The following SYNJ2BP variants were observed in gnomAD, a reference collection of about 807,000 sequenced individuals.
The protein encoded by SYNJ2BP is synaptojanin 2 binding protein.
Under a neutral mutation model 16.9 loss-of-function variants are expected in SYNJ2BP, and 10 were observed. That is an observed-to-expected ratio of 0.59 (90% CI 0.36 to 1.00). The LOEUF (loss-of-function observed/expected upper bound fraction) is 1.00. Ranked by LOEUF, SYNJ2BP falls within the 50% of genes least tolerant of loss-of-function variation. The probability of loss-of-function intolerance (pLI) is 0.01; values close to 1 mark genes in which losing one functional copy is unlikely to be tolerated. For synonymous variants in SYNJ2BP, 54 were observed against 68.4 expected, an observed-to-expected ratio of 0.79 and a Z score of 1.04; for missense variants, 162 against 186.7, an observed-to-expected ratio of 0.87 and a Z score of 0.77.
intron 2 of SYNJ2BP, among the ~76,000 whole-genome samples, chr14:70,386,473 GA>G (rs1887861954): frequency 2.0e-5 from 3 of 152,196 alleles, no homozygotes; most frequent in African/African-American, 7.2e-5. Flanking sequence ...CACATGCTTA[GA>G]CATTCTTGAG....
intron 1 of SYNJ2BP, among the ~76,000 whole-genome samples, chr14:70,388,914 G>A (rs1247568072): frequency 1.3e-5 from 2 of 150,382 alleles, no homozygotes; most frequent in South Asian, 2.1e-4. Flanking sequence ...CTCTAAGTTC[G>A]TTCTTCTTTT....
At chr14:70,381,210 G>A (rs891455107) in intron 2 of SYNJ2BP, among the ~76,000 whole-genome samples, 5 of 152,202 alleles carry the variant, frequency 3.3e-5, no homozygotes, top group African/African-American at 9.6e-5. Flanking sequence ...TAACAGGGAA[G>A]AAAGACATTG....
chr14:70,411,620 T>C (rs1283110506), intron 1 of SYNJ2BP, among the ~76,000 whole-genome samples: 1 of 152,222 alleles, frequency 6.6e-6, no homozygotes, highest in Non-Finnish European at 1.5e-5. Flanking sequence ...TATTTTCTTC[T>C]CTCTATTATT....
At chr14:70,386,025 T>C (rs548591634) in intron 2 of SYNJ2BP, among the ~76,000 whole-genome samples, 1 of 152,338 alleles carries the variant, frequency 6.6e-6, no homozygotes, top group African/African-American at 2.4e-5. Flanking sequence ...ATAATCTACG[T>C]TTAACCAAAG....
intron 1 of SYNJ2BP, among the ~76,000 whole-genome samples, chr14:70,403,014 C>A (rs1300999955): frequency 6.6e-6 from 1 of 152,178 alleles, no homozygotes; most frequent in Non-Finnish European, 1.5e-5. Context: ...CTTTTCCTGG[C>A]AATCTTATCT....
At chr14:70,376,461 T>C (rs1339544989) in intron 2 of SYNJ2BP, among the ~76,000 whole-genome samples, 1 of 152,256 alleles carries the variant, frequency 6.6e-6, no homozygotes, top group Non-Finnish European at 1.5e-5. Context: ...TTAATACTTT[T>C]TGCAGTTAGG....
chr14:70,413,961 T>G (rs1281721982), intron 1 of SYNJ2BP, among the ~76,000 whole-genome samples: 1 of 152,220 alleles, frequency 6.6e-6, no homozygotes, highest in Non-Finnish European at 1.5e-5. Flanking sequence ...AATGCATACT[T>G]AGAGGATTTT....
chr14:70,399,848 G>A (rs1888197662), intron 1 of SYNJ2BP, among the ~76,000 whole-genome samples: 1 of 152,060 alleles, frequency 6.6e-6, no homozygotes, highest in South Asian at 2.1e-4. Flanking sequence ...TTCCTCTCAG[G>A]GTCCTACCTA....
chr14:70,387,758 G>A (rs1335056713), intron 2 of SYNJ2BP, among the ~76,000 whole-genome samples: 1 of 151,696 alleles, frequency 6.6e-6, no homozygotes, highest in East Asian at 1.9e-4. Flanking sequence ...TTGAACCCGG[G>A]AGGCAGAGGT....
chr14:70,394,382 A>C (rs1888045186), intron 1 of SYNJ2BP, among the ~76,000 whole-genome samples: 1 of 152,040 alleles, frequency 6.6e-6, no homozygotes, highest in African/African-American at 2.4e-5. Context: ...AAAGGGTATA[A>C]TTAATTCAGC....
At chr14:70,375,205 C>CTTT (rs201793770) in intron 3 of SYNJ2BP, among the ~76,000 whole-genome samples, 1 of 121,214 alleles carries the variant, frequency 8.2e-6, no homozygotes, top group African/African-American at 3.1e-5. Flanking sequence ...CTCTTTTTTT[C>CTTT]TTTTTTTTTT....
chr14:70,408,307 A>G (rs969362725), intron 1 of SYNJ2BP, among the ~76,000 whole-genome samples: 2 of 152,188 alleles, frequency 1.3e-5, no homozygotes, highest in African/African-American at 2.4e-5. Flanking sequence ...AAGCACTTCA[A>G]TGAATTAAAT....
chr14:70,401,501 C>T (rs1249724846), intron 1 of SYNJ2BP, among the ~76,000 whole-genome samples: 35 of 143,680 alleles, frequency 2.4e-4, no homozygotes, highest in Non-Finnish European at 3.0e-5. Context: ...CTGCTTTTTT[C>T]CTCTCTTGGA....
chr14:70,410,324 TGAGAC>T (rs1454629344), intron 1 of SYNJ2BP, among the ~76,000 whole-genome samples: 1 of 152,132 alleles, frequency 6.6e-6, no homozygotes, highest in Non-Finnish European at 1.5e-5. Flanking sequence ...CTTGAGGGGC[TGAGAC>T]AAGAGGATCA....
intron 1 of SYNJ2BP, among the ~76,000 whole-genome samples, chr14:70,410,061 T>C (rs192762993): frequency 6.6e-6 from 1 of 152,170 alleles, no homozygotes; most frequent in East Asian, 1.9e-4. Flanking sequence ...GAGGCTGCAG[T>C]GAACTGTCAT....
intron 2 of SYNJ2BP, among the ~76,000 whole-genome samples, chr14:70,376,872 G>A (rs2140812221): frequency 6.6e-6 from 1 of 152,262 alleles, no homozygotes; most frequent in Non-Finnish European, 1.5e-5. Context: ...TAATGCTCAA[G>A]TCACTCCCTT....
intron 2 of SYNJ2BP, among the ~76,000 whole-genome samples, chr14:70,381,862 C>A (rs966378555): frequency 6.6e-6 from 1 of 152,204 alleles, no homozygotes; most frequent in Non-Finnish European, 1.5e-5. Context: ...ATATCCCTTG[C>A]ATCTACAGAT....
chr14:70,393,614 T>G (rs898761365), intron 1 of SYNJ2BP, among the ~76,000 whole-genome samples: 1 of 152,170 alleles, frequency 6.6e-6, no homozygotes, highest in Non-Finnish European at 1.5e-5. Context: ...TGGAATACTA[T>G]GCAGCCATAA....
In SYNJ2BP at chr14:70,369,071, G is replaced by T. The variant is rs141486038; in HGVS notation, c.*3920C>A. On this transcript the variant is annotated 3_prime_UTR_variant, in exon 4 of 4. Coordinates refer to ENST00000256366, the MANE Select transcript of SYNJ2BP (RefSeq NM_018373.3). ...CAGAGTTTTTGATTCACTAGGTCTGGAACTTCTTTTTTCTCTTCTGGGAAC... is the reference window on the plus strand; with the variant it reads ...CAGAGTTTTTGATTCACTAGGTCTGTAACTTCTTTTTTCTCTTCTGGGAAC... 1 of 152,156 alleles carries T rather than the reference G, an allele frequency of 6.6e-6. No homozygotes were observed. Among genetic ancestry groups the T allele is most frequent in the Non-Finnish European group, 1.5e-5 (1 of 68,046 alleles). The allele number at this position is 152,156 out of a possible 1,614,324, so 9.4% of individuals were successfully genotyped here. A position where few individuals can be genotyped will look rare whatever the true frequency, so the allele number is the denominator to read the frequency against.
Sources: gnomAD v4.1 joint callset for allele counts (sites outside exome capture counted in the v4.1 genomes callset) on GRCh38, gnomAD v4.1.1 for gene constraint, MANE v1.5 for transcripts, NCBI Gene and HGNC (gene_info 2026-07-23, HGNC 2026-07-21) for gene names.